The following BTG4 variants were observed in gnomAD, a reference collection of about 807,000 sequenced individuals.
The protein encoded by BTG4 is protein BTG4.
In BTG4, 10 loss-of-function variants were observed where a neutral mutation model predicts 19.3. The ratio of observed to expected loss-of-function variants is 0.52; its 90% CI spans 0.32 to 0.88. The LOEUF (loss-of-function observed/expected upper bound fraction) is 0.88. BTG4 is among the 40% of genes least tolerant of loss of function. The pLI is 0.04. For missense variants in BTG4, 238 were observed against 281.9 expected (o/e 0.84, Z 1.11); for synonymous variants, 91 against 95.7 (o/e 0.95, Z 0.29).
chr11:111,495,394 C>T, intron 4 of BTG4, 80 bp from the exon 5 acceptor site: 1 of 1,260,756 alleles, frequency 7.9e-7, no homozygotes, highest in Non-Finnish European at 1.1e-6. Flanking sequence ...AAGTCAGGCA[C>T]TTCAAAAGCA....
the BTG4 span, among the ~76,000 whole-genome samples, chr11:111,438,426 T>C: frequency 3.3e-4 from 50 of 152,336 alleles, no homozygotes; most frequent in African/African-American, 1.1e-3. Flanking sequence ...CTGGCCTGAC[T>C]CTGTTCTTTC....
chr11:111,389,154 C>A, the BTG4 span, among the ~76,000 whole-genome samples: 2 of 152,212 alleles, frequency 1.3e-5, no homozygotes, highest in Non-Finnish European at 2.9e-5. Context: ...AACTTTCTGT[C>A]ATGGGTGGAG....
the BTG4 span, chr11:111,460,261 A>G: frequency 0.65 from 98,623 of 152,454 alleles, 32,155 homozygotes; most frequent in South Asian, 0.83. Flanking sequence ...CCTGGACTAG[A>G]AAGCCTGGTC....
chr11:111,453,880 T>G, the BTG4 span, among the ~76,000 whole-genome samples: 1 of 152,238 alleles, frequency 6.6e-6, no homozygotes, highest in Non-Finnish European at 1.5e-5. Context: ...GAGGAGCAAG[T>G]TGCAGAAGGT....
the BTG4 span, among the ~76,000 whole-genome samples, chr11:111,421,130 C>T: frequency 6.6e-6 from 1 of 152,152 alleles, no homozygotes; most frequent in African/African-American, 2.4e-5. Flanking sequence ...GGCTGGAGTC[C>T]AGAGATTGGT....
the BTG4 span, among the ~76,000 whole-genome samples, chr11:111,421,240 A>T: frequency 2.6e-5 from 4 of 152,194 alleles, no homozygotes; most frequent in African/African-American, 9.7e-5. Flanking sequence ...AGCCAGAGCC[A>T]TAGAAGGGCT....
At position 111,474,789 on chromosome 11, in the gene BTG4, A is replaced by G. The variant is rs112076689; in HGVS notation, c.663-7108T>C. ...ACAGTGAAGGTTCTGGTTGCTTTCC[A>G]TTTCTATCAGCACTTAGTATTTTAC... is the stretch of plus-strand genomic sequence containing the variant. On this transcript the variant is annotated intron_variant, in intron 5 of 5. Transcript: ENST00000356018. Among the ~76,000 whole-genome samples, 270 of 152,178 alleles carry G rather than the reference A, an allele frequency of 1.8e-3. 1 individual carries two copies. The highest frequency in any genetic ancestry group is 6.1e-3 in the African/African-American group (254 of 41,536).
the BTG4 span, chr11:111,397,098 G>A: frequency 1.3e-5 from 2 of 152,102 alleles, no homozygotes; most frequent in Non-Finnish European, 2.9e-5. Flanking sequence ...TTCTTAGTTC[G>A]TTTCCTATTT....
the BTG4 span, among the ~76,000 whole-genome samples, chr11:111,406,762 A>G: frequency 3.3e-5 from 5 of 152,198 alleles, no homozygotes; most frequent in African/African-American, 1.2e-4. Flanking sequence ...TCTCCTTTGT[A>G]CAGGCATTCC....
chr11:111,495,175 T>A lies in BTG4; in HGVS notation c.650A>T (p.His217Leu). ...KHPKCYRPAMHRLDRYHWVNT... is the reference protein window; with the variant it reads ...KHPKCYRPAMLRLDRYHWVNT... ...GACCCAGTGGTACCTGTCCAGCCGG[T>A]GCATAGCAGGCCTGTAACACTTAGG... Residue 217 changes from histidine to leucine, a missense_variant, in exon 5 of 5, where the codon CAC becomes CTC. Coordinates refer to ENST00000692032, the MANE Select transcript of BTG4 (RefSeq NM_001367975.1). The A allele has an allele frequency of 6.3e-7, 1 of 1,599,188 alleles. No individual in the cohort carries two copies. Among genetic ancestry groups the A allele is most frequent in the South Asian group, 1.1e-5 (1 of 88,246 alleles).
At chr11:111,411,013 C>CTT in the BTG4 span, among the ~76,000 whole-genome samples, 1 of 152,218 alleles carries the variant, frequency 6.6e-6, no homozygotes, top group East Asian at 1.9e-4. Context: ...CTAGCCTAAG[C>CTT]TATCATCATT....
At chr11:111,488,867 C>T (rs962485913) in intron 5 of BTG4, among the ~76,000 whole-genome samples, 1 of 152,024 alleles carries the variant, frequency 6.6e-6, no homozygotes, top group African/African-American at 2.4e-5. Context: ...CAAACAAGGC[C>T]GGCCACGGTG....
chr11:111,506,573 C>T lies in BTG4; in HGVS notation c.-27+5608G>A, dbSNP rs115735150. 4.0e-3 allele frequency among the ~76,000 whole-genome samples: 602 copies of T among 152,068 alleles called. 10 individuals carry two copies. The highest frequency in any genetic ancestry group is 0.014 in the African/African-American group (570 of 41,506). On this transcript the variant is annotated intron_variant, in intron 1 of 4. Transcript: ENST00000692032. Reference sequence around the variant, plus strand: ...CAGAAGCCCAACACGCAACATTATGCATGTAATACCCATGTAACAAACAAG... The same window carrying T: ...CAGAAGCCCAACACGCAACATTATGTATGTAATACCCATGTAACAAACAAG...
the BTG4 span, among the ~76,000 whole-genome samples, chr11:111,387,927 G>A: frequency 6.6e-6 from 1 of 151,808 alleles, no homozygotes; most frequent in African/African-American, 2.4e-5. Flanking sequence ...ACTGAACAAT[G>A]GGCTTTATTT....
At chr11:111,442,902 G>A in the BTG4 span, among the ~76,000 whole-genome samples, 70 of 152,292 alleles carry the variant, frequency 4.6e-4, no homozygotes, top group South Asian at 1.9e-3. Flanking sequence ...CCTCGGGGAG[G>A]GATAAGGCAA....
intron 1 of BTG4, among the ~76,000 whole-genome samples, chr11:111,500,996 A>C (rs1216362502): frequency 1.5e-4 from 23 of 152,036 alleles, no homozygotes; most frequent in Admixed American, 1.5e-3. Context: ...TGGGCAACTT[A>C]ATTTTCTGCC....
At chr11:111,405,368 C>T in the BTG4 span, among the ~76,000 whole-genome samples, 13 of 127,680 alleles carry the variant, frequency 1.0e-4, no homozygotes, top group East Asian at 3.2e-3. Flanking sequence ...TACGCCATTG[C>T]ACTCCAGCCT....
the BTG4 span, chr11:111,451,340 C>T: frequency 1.8e-5 from 8 of 443,238 alleles, no homozygotes; most frequent in Non-Finnish European, 1.9e-5. Context: ...GCCTCAGCCT[C>T]TTTCTGCAGC....
the BTG4 span, among the ~76,000 whole-genome samples, chr11:111,400,273 A>G: frequency 2.6e-5 from 4 of 152,218 alleles, no homozygotes; most frequent in Non-Finnish European, 5.9e-5. Context: ...TTGAACTACT[A>G]TTGAGTCTCT....
Sources: gnomAD v4.1 joint callset for allele counts (sites outside exome capture counted in the v4.1 genomes callset) on GRCh38, gnomAD v4.1.1 for gene constraint, MANE v1.5 for transcripts, NCBI Gene and HGNC (gene_info 2026-07-23, HGNC 2026-07-21) for gene names.